The following LIPG variants were observed in gnomAD, a reference collection of about 807,000 sequenced individuals.
LIPG encodes endothelial lipase.
LIPG carries 34 observed loss-of-function variants against 51.8 expected under a neutral mutation model. The ratio of observed to expected loss-of-function variants is 0.66; its 90% CI spans 0.50 to 0.87. The LOEUF is 0.87. Ranked by LOEUF, LIPG falls within the 40% of genes least tolerant of loss-of-function variation. The pLI is 0.00. For missense variants in LIPG, 580 were observed against 652.7 expected (o/e 0.89, Z 1.21); for synonymous variants, 246 against 246.1 (o/e 1.00, Z 0.00).
intron 5 of LIPG, among the ~76,000 whole-genome samples, chr18:49,577,665 TCCCGGACGGCACGG>T (rs2084736117): frequency 1.9e-5 from 2 of 107,356 alleles, no homozygotes; most frequent in African/African-American, 7.3e-5. Context: ...CCCACCTCCC[TCCCGGACGGCACGG>T]CTGGCCAGGC....
intron 4 of LIPG, among the ~76,000 whole-genome samples, chr18:49,574,729 G>A (rs965120783): frequency 9.9e-5 from 15 of 152,140 alleles, no homozygotes; most frequent in Admixed American, 2.0e-4. Flanking sequence ...GTTTGGAGGC[G>A]GAAAGGTTTT....
At chr18:49,577,751 C>T (rs2034717190) in intron 5 of LIPG, among the ~76,000 whole-genome samples, 1 of 52,756 alleles carries the variant, frequency 1.9e-5, no homozygotes, top group African/African-American at 1.0e-4. Flanking sequence ...GGGGGCTGAC[C>T]CCCCCACCTC....
intron 4 of LIPG, among the ~76,000 whole-genome samples, chr18:49,570,544 A>G (rs1388249729): frequency 1.3e-5 from 2 of 152,160 alleles, no homozygotes; most frequent in Non-Finnish European, 2.9e-5. Context: ...TTAAAACAAA[A>G]CTCAGGCTGG....
At chr18:49,587,913 T>C (rs554846316) in intron 9 of LIPG, among the ~76,000 whole-genome samples, 2 of 152,126 alleles carry the variant, frequency 1.3e-5, no homozygotes, top group East Asian at 3.9e-4. Context: ...CTTTGCCTCC[T>C]GTATAGCTGG....
At chr18:49,568,646 G>A (rs2084631981) in intron 3 of LIPG, among the ~76,000 whole-genome samples, 1 of 151,976 alleles carries the variant, frequency 6.6e-6, no homozygotes, top group South Asian at 2.1e-4. Context: ...CTCCCAAAGT[G>A]CTGGGATTAG....
In LIPG at chr18:49,577,838, G is replaced by T. The variant is rs1351749294; in HGVS notation, c.793+2248G>T. Among the ~76,000 whole-genome samples the T allele has an allele frequency of 4.1e-4, 48 of 116,168 alleles. 1 individual carries two copies. The highest frequency in any genetic ancestry group is 8.2e-4 in the Non-Finnish European group (45 of 54,898). The allele number at this position is 116,168 out of a possible 152,430, so 76.2% of individuals were successfully genotyped here. ...TCCCGGACGGGGCGGCTGGCCGGGT[G>T]GGGGGGCTGACCCCCCCATCTCCCT... On this transcript the variant is annotated intron_variant, in intron 5 of 9. Coordinates refer to ENST00000261292, the MANE Select transcript of LIPG (RefSeq NM_006033.4).
intron 4 of LIPG, among the ~76,000 whole-genome samples, chr18:49,572,509 A>T (rs1375884763): frequency 6.6e-6 from 1 of 152,082 alleles, no homozygotes; most frequent in East Asian, 1.9e-4. Flanking sequence ...ACTCAAACCC[A>T]TGCTGTCAGA....
rs940216406 is a variant in LIPG at position 49,582,557 on chromosome 18, C to A, written c.1157+75C>A. 1.9e-6 allele frequency: 3 copies of A among 1,586,776 alleles called. No individual in the cohort carries two copies. The East Asian group carries it at 6.7e-5, about 36-fold the overall frequency. On this transcript the variant is annotated intron_variant, in intron 7 of 9. Coordinates refer to ENST00000261292, the MANE Select transcript of LIPG (RefSeq NM_006033.4). ...TTGAGAATGAGAGAGCACAAGGGAG[C>A]GTGTGAACGAGTACAGCACGCAGGA...
At chr18:49,589,712 C>T (rs555255612) in intron 9 of LIPG, 1 of 152,626 alleles carries the variant, frequency 6.6e-6, no homozygotes, top group East Asian at 1.9e-4. Flanking sequence ...CCTCGGCCTC[C>T]CAGTGCTGGG....
intron 8 of LIPG, among the ~76,000 whole-genome samples, chr18:49,584,056 G>A (rs573754753): frequency 1.2e-4 from 19 of 152,292 alleles, no homozygotes; most frequent in Admixed American, 7.8e-4. Context: ...TGTCAGCCTG[G>A]AGGAGGGGGA....
chr18:49,582,544 GAGCACAAGGGAGCGTGTGAACGAGTAC>G, intron 7 of LIPG, 62 bp downstream of exon 7: 1 of 1,603,032 alleles, frequency 6.2e-7, no homozygotes, highest in African/African-American at 1.3e-5. Context: ...GAGAATGAGA[GAGCACAAGGGAGCGTGTGAACGAGTAC>G]AGCACGCAGG....
Position 49,562,917 on chromosome 18 carries a change from G to T in LIPG, c.97+512G>T, listed in dbSNP as rs535268552. Among the ~76,000 whole-genome samples the T allele has an allele frequency of 5.3e-5, 8 of 152,246 alleles. No individual in the cohort carries two copies. In the South Asian group the frequency reaches 1.7e-3, roughly 32 times the overall value. Reference sequence around the variant, plus strand: ...GGGTCGCTTGTGCTTAGAAGCTGCCGGGCCTATTCCCCCAGGTTGCCAGCC... The same window carrying T: ...GGGTCGCTTGTGCTTAGAAGCTGCCTGGCCTATTCCCCCAGGTTGCCAGCC... On this transcript the variant is annotated intron_variant, in intron 1 of 9. Coordinates refer to ENST00000261292, the MANE Select transcript of LIPG (RefSeq NM_006033.4).
chr18:49,565,962 A>T (rs899836891), intron 2 of LIPG, among the ~76,000 whole-genome samples: 4 of 152,238 alleles, frequency 2.6e-5, no homozygotes, highest in African/African-American at 9.6e-5. Context: ...GTTTAAAGGC[A>T]CTGGGGCTCT....
rs2084985854 is a variant in LIPG at position 49,596,887 on chromosome 18, CTCTCTGGTAT to C, written c.*6369_*6378del. ...TGACTTCCTACTCTCTTAGCCCCAG[CTCTCTGGTAT>C]TCTGTGTAGCTGACTTCCACAAGGG... On this transcript the variant is annotated 3_prime_UTR_variant, in exon 10 of 10. Transcript: ENST00000261292. The C allele has an allele frequency of 6.6e-6, 1 of 152,190 alleles. No homozygotes were observed. The highest frequency in any genetic ancestry group is 1.5e-5 in the Non-Finnish European group (1 of 68,060). The allele number at this position is 152,190 out of a possible 1,614,324, so 9.4% of individuals were successfully genotyped here. A position where few individuals can be genotyped will look rare whatever the true frequency, so the allele number is the denominator to read the frequency against.
chr18:49,568,756 G>A (rs2084633126), intron 3 of LIPG, among the ~76,000 whole-genome samples: 1 of 152,182 alleles, frequency 6.6e-6, no homozygotes. Flanking sequence ...AGGGTACACT[G>A]TCAAAGCGGC....
At chr18:49,580,010 C>G (rs767366274) in intron 5 of LIPG, among the ~76,000 whole-genome samples, 2 of 152,008 alleles carry the variant, frequency 1.3e-5, no homozygotes, top group Non-Finnish European at 2.9e-5. Flanking sequence ...GGTGGAGTTT[C>G]TCCATTTTGG....
At chr18:49,577,519 A>C (rs1197565022) in intron 5 of LIPG, among the ~76,000 whole-genome samples, 1 of 148,406 alleles carries the variant, frequency 6.7e-6, no homozygotes, top group Non-Finnish European at 1.5e-5. Context: ...GCCCGTTCTC[A>C]ATGAGCTGCT....
In LIPG at chr18:49,570,778, G is replaced by A. The variant is rs796668451; in HGVS notation, c.571+1230G>A. 2.6e-4 allele frequency among the ~76,000 whole-genome samples: 39 copies of A among 152,286 alleles called. 1 individual carries two copies. The highest frequency in any genetic ancestry group is 8.2e-4 in the African/African-American group (34 of 41,554). On this transcript the variant is annotated intron_variant, in intron 4 of 9. Coordinates refer to ENST00000261292, the MANE Select transcript of LIPG (RefSeq NM_006033.4). ...AAGGAGGTAGAGGTTGCAGTGAGCC[G>A]AGATTGTGCCACTGCACTCCAGCCT...
chr18:49,575,465 C>A lies in LIPG; in HGVS notation c.668C>A (p.Thr223Lys). 1 of 1,614,230 alleles carries A rather than the reference C, an allele frequency of 6.2e-7. No homozygotes were observed. Among genetic ancestry groups the A allele is most frequent in the Non-Finnish European group, 8.5e-7 (1 of 1,180,052 alleles). Residue 223 changes from threonine (T) to lysine (K), a missense_variant, in exon 5 of 10, where the codon ACG (threonine) becomes AAG (lysine). By Grantham distance (78) the Thr-to-Lys change is moderately conservative. Transcript: ENST00000261292. ...TTTGTGGATGTCCTCCACACCTACA[C>A]GCGTTCCTTCGGCTTGAGCATTGGT... ...ADFVDVLHTY[T>K]RSFGLSIGIQ...
Sources: allele counts gnomAD v4.1 joint callset (sites outside exome capture counted in the v4.1 genomes callset), GRCh38; gene constraint gnomAD v4.1.1; transcripts MANE v1.5; gene names NCBI Gene and HGNC (gene_info 2026-07-23, HGNC 2026-07-21).